The following IL32 variants were observed in gnomAD, a reference collection of about 807,000 sequenced individuals.
IL32 encodes interleukin-32.
In IL32, 30 loss-of-function variants were observed where a neutral mutation model predicts 16.6. The observed-to-expected ratio is 1.81, with a 90% confidence interval of 1.35 to 2.45. The LOEUF (loss-of-function observed/expected upper bound fraction) is 2.45, where lower values mean the gene tolerates loss of function less well. IL32 is among the 30% of genes most tolerant of loss of function. The pLI is 0.00. For missense variants in IL32, 234 were observed against 229.8 expected, an observed-to-expected ratio of 1.02 and a Z score of -0.12; for synonymous variants, 70 against 86.1, an observed-to-expected ratio of 0.81 and a Z score of 1.03.
At chr16:3,067,291 G>GTGTGTGTGTT in intron 2 of IL32, 86 bp from the exon 3 acceptor site, 1 of 664,316 alleles carries the variant, frequency 1.5e-6, no homozygotes, top group South Asian at 1.9e-5. Context: ...GTGTGTGTGT[G>GTGTGTGTGTT]TGTGTGTGTG....
chr16:3,069,111 T>C lies in IL32; in HGVS notation c.323T>C (p.Val108Ala), dbSNP rs920380792. The C allele has an allele frequency of 8.1e-6, 13 of 1,610,726 alleles. No homozygotes were observed. The highest frequency in any genetic ancestry group is 1.1e-5 in the Non-Finnish European group (13 of 1,178,434). The change falls in exon 7 of 7, where the codon GTC (valine) becomes GCC (alanine). Residue 108 changes from valine (V) to alanine (A), a missense_variant. Val to Ala is a moderately conservative substitution (Grantham distance 64). Coordinates refer to ENST00000525643, the MANE Select transcript of IL32 (RefSeq NM_001376923.1). ...CCTGGGGAGAGCTTTTGTGACAAGGTCATGAGATGGTTCCAGGCCATGCTG... is the reference window on the plus strand; with the variant it reads ...CCTGGGGAGAGCTTTTGTGACAAGGCCATGAGATGGTTCCAGGCCATGCTG... ...EEPGESFCDK[V>A]MRWFQAMLQR...
At chr16:3,065,951 G>T (rs967466770) in intron 2 of IL32, 125 bp downstream of exon 2, 2 of 1,150,192 alleles carry the variant, frequency 1.7e-6, no homozygotes, top group Non-Finnish European at 2.6e-6. Flanking sequence ...CCAGCGGCAG[G>T]AGGATAGTGA....
At chr16:3,066,652 C>G (rs932827290) in intron 2 of IL32, among the ~76,000 whole-genome samples, 1 of 152,134 alleles carries the variant, frequency 6.6e-6, no homozygotes, top group Non-Finnish European at 1.5e-5. Context: ...ACCTGTGGGT[C>G]TGCATGTTGG....
chr16:3,065,635 C>T (rs1287083406), upstream of IL32: 17 of 732,242 alleles, frequency 2.3e-5, no homozygotes, highest in South Asian at 2.3e-4. Context: ...GTATTTGTGC[C>T]AGGAAGACTG....
At chr16:3,068,541 A>C in intron 6 of IL32, 1 of 435,464 alleles carries the variant, frequency 2.3e-6, no homozygotes, top group South Asian at 2.2e-5. Context: ...TTGAACTCCT[A>C]ACCTTGTGTT....
intron 4 of IL32, 111 bp downstream of exon 4, chr16:3,067,724 C>A (rs750515606): frequency 4.7e-5 from 44 of 945,410 alleles, no homozygotes; most frequent in Non-Finnish European, 6.9e-5. Context: ...GGCTCCCTCA[C>A]CCCTTACCGT....
At chr16:3,066,736 A>C (rs1330825305) in intron 2 of IL32, among the ~76,000 whole-genome samples, 2 of 152,170 alleles carry the variant, frequency 1.3e-5, no homozygotes, top group African/African-American at 4.8e-5. Flanking sequence ...ATCAGAGAGG[A>C]ATGGCTGCTG....
At chr16:3,068,693 A>G (rs1316473888) in intron 6 of IL32, 2 of 462,868 alleles carry the variant, frequency 4.3e-6, no homozygotes, top group Non-Finnish European at 7.9e-6. Flanking sequence ...GTGACAGCCT[A>G]GCTGGGACCT....
At chr16:3,067,303 G>GTGTGTGTGTC in intron 2 of IL32, 74 bp from the exon 3 acceptor site, 1 of 726,282 alleles carries the variant, frequency 1.4e-6, no homozygotes, top group Non-Finnish European at 2.4e-6. Flanking sequence ...GTGTGTGTGT[G>GTGTGTGTGTC]TGTGTGTATA....
intron 6 of IL32, chr16:3,068,590 C>G: frequency 2.4e-6 from 1 of 409,552 alleles, no homozygotes; most frequent in South Asian, 2.2e-5. Flanking sequence ...AGATTACAGG[C>G]ATGAGCCACC....
Position 3,065,697 on chromosome 16 carries a change from T to C in IL32, c.-29+10T>C, listed in dbSNP as rs1371733114. The C allele has an allele frequency of 1.8e-6, 2 of 1,138,508 alleles. No homozygotes were observed. Among genetic ancestry groups the C allele is most frequent in the Non-Finnish European group, 2.7e-6 (2 of 746,962 alleles). 70.5% of individuals were successfully genotyped at this position (1,138,508 alleles called of 1,614,324 possible). On this transcript the variant is annotated intron_variant, in intron 1 of 6. Transcript: ENST00000525643. Reference sequence around the variant, plus strand: ...AGCTGGGTCATCTCAGGTGGGGAGTTGGGGTCCCCGAAGGTGAGGACCCTC... The same window carrying C: ...AGCTGGGTCATCTCAGGTGGGGAGTCGGGGTCCCCGAAGGTGAGGACCCTC...
In IL32 at chr16:3,069,276, T is replaced by C. The variant is rs768143359; in HGVS notation, c.488T>C (p.Phe163Ser). 9 of 1,614,186 alleles carry C rather than the reference T, an allele frequency of 5.6e-6. No individual in the cohort carries two copies. The highest frequency in any genetic ancestry group is 7.6e-6 in the Non-Finnish European group (9 of 1,180,042). Residue 163 changes from phenylalanine (F) to serine (S), a missense_variant, in exon 7 of 7, where the codon TTC becomes TCC. Physicochemically the swap from Phe to Ser is radical, Grantham distance 155. Coordinates refer to ENST00000525643, the MANE Select transcript of IL32 (RefSeq NM_001376923.1). ...CTGTCAGAGCTCTTCATGTCCTCTT[T>C]CCAGTCCTACGGAGCCCCACGGGGG... ...CSLSELFMSSFQSYGAPRGDK... is the reference protein window; with the variant it reads ...CSLSELFMSSSQSYGAPRGDK...
chr16:3,066,423 A>G (rs1465922003), intron 2 of IL32, among the ~76,000 whole-genome samples: 1 of 152,112 alleles, frequency 6.6e-6, no homozygotes, highest in African/African-American at 2.4e-5. Context: ...GCGGGATGGG[A>G]CCATCGCTGC....
rs200892861 is a variant in IL32, at chr16:3,065,809, G to C, written c.-3G>C. 2 of 1,614,116 alleles carry C rather than the reference G, an allele frequency of 1.2e-6. No homozygotes were observed. Among genetic ancestry groups the C allele is most frequent in the South Asian group, 2.2e-5 (2 of 91,084 alleles). On this transcript the variant is annotated 5_prime_UTR_variant, in exon 2 of 7. Coordinates refer to ENST00000525643, the MANE Select transcript of IL32 (RefSeq NM_001376923.1). The stretch of plus-strand genomic sequence containing the variant: ...GCCTTGGCTCCTTGAACTTTTGGCC[G>C]CCATGTGCTTCCCGAAGGTGAGTGA...
rs1270072853 is a variant in IL32, at chr16:3,069,033, G to T, written c.245G>T (p.Cys82Phe). 1 of 1,603,870 alleles carries T rather than the reference G, an allele frequency of 6.2e-7. No individual in the cohort carries two copies. The highest frequency in any genetic ancestry group is 2.2e-5 in the East Asian group (1 of 44,740). ...GAAAAAGAAAGAGATGGATTACGGT[G>T]CCGAGGCAACAGATCCCCTGTCCCG... ...LLEKERDGLR[C>F]RGNRSPVPDV... is the part of the protein sequence containing the mutation. Residue 82 changes from cysteine to phenylalanine, a missense_variant, in exon 7 of 7, where the codon TGC becomes TTC. Physicochemically the swap from Cys to Phe is radical, Grantham distance 205. This residue lies in a region of IL32 where 44 missense variants were observed against 103.1 expected (regional missense o/e 0.43). Coordinates refer to ENST00000525643, the MANE Select transcript of IL32 (RefSeq NM_001376923.1).
Position 3,065,668 on chromosome 16 carries a change from G to C in IL32, c.-48G>C. The C allele has an allele frequency of 1.2e-6, 1 of 823,742 alleles. No homozygotes were observed. The highest frequency in any genetic ancestry group is 2.1e-6 in the Non-Finnish European group (1 of 467,922). The allele number at this position is 823,742 out of a possible 1,614,324, so 51.0% of individuals were successfully genotyped here. On this transcript the variant is annotated 5_prime_UTR_variant, in exon 1 of 7. Transcript: ENST00000525643. ...CTGCGTGCAGAAGGTGACTGTCTCAGTGGAGCTGGGTCATCTCAGGTGGGG... is the reference window on the plus strand; with the variant it reads ...CTGCGTGCAGAAGGTGACTGTCTCACTGGAGCTGGGTCATCTCAGGTGGGG...
At chr16:3,067,831 G>T (rs1159981158) in intron 4 of IL32, 153 bp from the exon 5 acceptor site, 1 of 959,680 alleles carries the variant, frequency 1.0e-6, no homozygotes. Flanking sequence ...AGGGCTCCTT[G>T]AGGAAACAAC....
chr16:3,068,624 T>A, intron 6 of IL32: 1 of 414,532 alleles, frequency 2.4e-6, no homozygotes. Flanking sequence ...CCCTGCCCTG[T>A]CTTGATGTGG....
Position 3,067,978 on chromosome 16 carries a change from T to C in IL32, c.115-6T>C, listed in dbSNP as rs745331843. On this transcript the variant is annotated splice_polypyrimidine_tract_variant and splice_region_variant and intron_variant, in intron 4 of 6. Transcript: ENST00000525643. ...GGCCTGGAACCGAGTGCTTTGTTCC[T>C]AACAGGTGATGTCGAGCCTGGCAGA... 4.3e-6 allele frequency: 7 copies of C among 1,614,106 alleles called. No homozygotes were observed. The East Asian group carries it at 1.3e-4, about 31-fold the overall frequency.
Sources: allele counts gnomAD v4.1 joint callset (sites outside exome capture counted in the v4.1 genomes callset), GRCh38; gene constraint gnomAD v4.1.1; regional missense constraint gnomAD v4.1.1; transcripts MANE v1.5; gene names NCBI Gene and HGNC (gene_info 2026-07-23, HGNC 2026-07-21).